Variants in STAU2 observed in about 807,000 individuals in gnomAD.
STAU2 encodes double-stranded RNA-binding protein Staufen homolog 2.
Under a neutral mutation model 65.9 loss-of-function variants are expected in STAU2, and 20 were observed. The ratio of observed to expected loss-of-function variants is 0.30; its 90% CI spans 0.21 to 0.44. The LOEUF (loss-of-function observed/expected upper bound fraction) is 0.44. Ranked by LOEUF, STAU2 falls within the 20% of genes least tolerant of loss-of-function variation. The pLI, the probability that STAU2 is intolerant of heterozygous loss-of-function variation, is 1.00. For missense variants in STAU2, 558 were observed against 683.9 expected (o/e 0.82, Z 2.05); for synonymous variants, 232 against 233.9 (o/e 0.99, Z 0.07).
At chr8:73,507,327 T>C (rs139910558) in intron 13 of STAU2, among the ~76,000 whole-genome samples, 1 of 152,252 alleles carries the variant, frequency 6.6e-6, no homozygotes, top group East Asian at 1.9e-4. Flanking sequence ...GAATGAATGC[T>C]GTATTAGCAG....
intron 12 of STAU2, among the ~76,000 whole-genome samples, chr8:73,581,017 C>T (rs963138448): frequency 6.6e-6 from 1 of 152,132 alleles, no homozygotes; most frequent in South Asian, 2.1e-4. Context: ...CAAGCAAACC[C>T]GTTATGCATT....
At chr8:73,693,708 G>A (rs1819514689) in intron 4 of STAU2, among the ~76,000 whole-genome samples, 1 of 152,196 alleles carries the variant, frequency 6.6e-6, no homozygotes, top group African/African-American at 2.4e-5. Flanking sequence ...AAGTGTAGTA[G>A]TTTTAAGACG....
chr8:73,445,259 G>A (rs759078744), intron 13 of STAU2, among the ~76,000 whole-genome samples: 24 of 152,112 alleles, frequency 1.6e-4, no homozygotes, highest in Non-Finnish European at 5.9e-5. Context: ...GTTTCTGCAG[G>A]GTTGCACTCC....
intron 13 of STAU2, chr8:73,550,715 T>C (rs1291973638): frequency 2.0e-6 from 2 of 987,376 alleles, no homozygotes; most frequent in Non-Finnish European, 2.4e-6. Context: ...AAATTGTAAC[T>C]TTAAATTAAG....
At chr8:73,531,248 C>T (rs1015768258) in intron 13 of STAU2, among the ~76,000 whole-genome samples, 4 of 152,138 alleles carry the variant, frequency 2.6e-5, no homozygotes, top group Non-Finnish European at 4.4e-5. Context: ...ACTTGGAGTT[C>T]TACACTGATG....
chr8:73,601,256 AC>A (rs571693306), intron 10 of STAU2, among the ~76,000 whole-genome samples: 34 of 152,182 alleles, frequency 2.2e-4, no homozygotes, highest in Non-Finnish European at 4.0e-4. Flanking sequence ...TTTTTTAACA[AC>A]CTGGTGATCT....
chr8:73,531,360 G>A (rs1464774701), intron 13 of STAU2, among the ~76,000 whole-genome samples: 2 of 152,170 alleles, frequency 1.3e-5, no homozygotes, highest in Non-Finnish European at 2.9e-5. Flanking sequence ...CACGGAGGAA[G>A]GGGGTGACTG....
intron 3 of STAU2, among the ~76,000 whole-genome samples, chr8:73,733,987 A>G (rs1806250680): frequency 6.6e-6 from 1 of 152,186 alleles, no homozygotes; most frequent in African/African-American, 2.4e-5. Flanking sequence ...CTACAATATA[A>G]AAATCTGTCC....
At chr8:73,691,788 G>A (rs1200926987) in intron 4 of STAU2, among the ~76,000 whole-genome samples, 1 of 151,996 alleles carries the variant, frequency 6.6e-6, no homozygotes, top group East Asian at 1.9e-4. Context: ...GGAGAACTAG[G>A]AGCATTTTTG....
At chr8:73,618,325 GT>G (rs1042359721) in intron 6 of STAU2, among the ~76,000 whole-genome samples, 5 of 152,154 alleles carry the variant, frequency 3.3e-5, no homozygotes, top group African/African-American at 9.7e-5. Flanking sequence ...GCCAAGAGAA[GT>G]TTCATTGAGA....
intron 6 of STAU2, among the ~76,000 whole-genome samples, chr8:73,640,973 C>G (rs1469078076): frequency 6.6e-6 from 1 of 151,940 alleles, no homozygotes; most frequent in Non-Finnish European, 1.5e-5. Flanking sequence ...ATAAAAAAAA[C>G]AGAAAAGTGT....
At chr8:73,624,997 G>A (rs1388419493) in intron 6 of STAU2, among the ~76,000 whole-genome samples, 1 of 151,992 alleles carries the variant, frequency 6.6e-6, no homozygotes, top group Non-Finnish European at 1.5e-5. Flanking sequence ...TTCTCATTAG[G>A]GAAATGCAAA....
chr8:73,635,207 G>A (rs1397831893), intron 6 of STAU2, among the ~76,000 whole-genome samples: 2 of 152,074 alleles, frequency 1.3e-5, no homozygotes, highest in African/African-American at 2.4e-5. Context: ...TTTCCAGTAT[G>A]GCCAAGTAAA....
chr8:73,688,770 G>C lies in STAU2; in HGVS notation c.158C>G (p.Ser53Cys), dbSNP rs1819126933. The C allele has an allele frequency of 1.9e-6, 3 of 1,613,994 alleles. No homozygotes were observed. The highest frequency in any genetic ancestry group is 1.7e-6 in the Non-Finnish European group (2 of 1,180,024). Residue 53 changes from serine to cysteine, a missense_variant, in exon 5 of 15, where the codon TCC becomes TGC. By Grantham distance (112) the Ser-to-Cys change is moderately radical (BLOSUM62 -1). This residue lies in a region of STAU2 where 112 missense variants were observed against 114.2 expected (regional missense o/e 0.98). Coordinates refer to ENST00000524300, the MANE Select transcript of STAU2 (RefSeq NM_001164380.2). ...AGCCTTCTTTATACTGCTGCCTTCG[G>C]ATTCCCATGTCTGCTCACCAAGACT... ...QLSLGEQTWE[S>C]EGSSIKKAQQ...
At chr8:73,722,029 CTTTTTA>C (rs1563529453) in intron 3 of STAU2, among the ~76,000 whole-genome samples, 1 of 151,958 alleles carries the variant, frequency 6.6e-6, no homozygotes, top group Non-Finnish European at 1.5e-5. Context: ...ATTTTATCTC[CTTTTTA>C]TTGGCTTATT....
intron 13 of STAU2, among the ~76,000 whole-genome samples, chr8:73,540,647 TGACAACAG>T (rs1039169546): frequency 2.0e-4 from 30 of 152,194 alleles, no homozygotes; most frequent in Non-Finnish European, 3.5e-4. Context: ...TTCCAGCTTC[TGACAACAG>T]GAGAATGAAT....
intron 6 of STAU2, among the ~76,000 whole-genome samples, chr8:73,659,171 G>A (rs1816634792): frequency 6.6e-6 from 1 of 152,158 alleles, no homozygotes; most frequent in Admixed American, 6.5e-5. Context: ...AGCAATGACT[G>A]GCAACCTATA....
chr8:73,723,475 A>G (rs1329419804), intron 3 of STAU2, among the ~76,000 whole-genome samples: 1 of 152,182 alleles, frequency 6.6e-6, no homozygotes, highest in Non-Finnish European at 1.5e-5. Context: ...CTTAAAATAT[A>G]TTCTTCTGTA....
At chr8:73,478,047 T>A (rs1563615576) in intron 13 of STAU2, among the ~76,000 whole-genome samples, 1 of 133,360 alleles carries the variant, frequency 7.5e-6, no homozygotes, top group Admixed American at 7.0e-5. Context: ...TATATATATA[T>A]TTTTTTTTGT....
Sources: gnomAD v4.1 joint callset for allele counts (sites outside exome capture counted in the v4.1 genomes callset) on GRCh38, gnomAD v4.1.1 for gene constraint, gnomAD v4.1.1 regional missense constraint, MANE v1.5 for transcripts, NCBI Gene and HGNC (gene_info 2026-07-23, HGNC 2026-07-21) for gene names.